PLEC: variants seen among roughly 807,000 people sequenced by gnomAD.
The protein encoded by PLEC is plectin, also known as hemidesmosomal protein 1.
In PLEC, 216 loss-of-function variants were observed where a neutral mutation model predicts 392.8. The observed-to-expected ratio is 0.55, with a 90% CI of 0.49 to 0.62. The LOEUF (loss-of-function observed/expected upper bound fraction) is 0.62, where lower values mean the gene tolerates loss of function less well. PLEC is among the 20% of genes least tolerant of loss of function. The probability of loss-of-function intolerance (pLI) is 0.00; values close to 1 mark genes in which losing one functional copy is unlikely to be tolerated. For missense variants in PLEC, 6,863 were observed against 6,563.4 expected (o/e 1.05, Z -1.58); for synonymous variants, 3,621 against 2,980.6 (o/e 1.21, Z -7.00).
rs782568049 is a variant in PLEC at position 143,923,126 on chromosome 8, T to C, written c.6803A>G (p.Glu2268Gly). 3.1e-6 allele frequency: 5 copies of C among 1,604,442 alleles called. No individual in the cohort carries two copies. The highest frequency in any genetic ancestry group is 3.4e-6 in the Non-Finnish European group (4 of 1,179,860). The change falls in exon 31 of 32, where the codon GAG (glutamate) becomes GGG (glycine). Residue 2268 changes from glutamate (E) to glycine (G), a missense_variant. By Grantham distance (98) the Glu-to-Gly change is moderately conservative. Coordinates refer to ENST00000345136, the MANE Select transcript of PLEC (RefSeq NM_201384.3). Reference sequence around the variant, plus strand: ...CACCTGCTTCATCTTCTCAGCCTCCTCCTGCAGGAAGCGCTGCGTATTGTC... The same window carrying C: ...CACCTGCTTCATCTTCTCAGCCTCCCCCTGCAGGAAGCGCTGCGTATTGTC... ...DKDNTQRFLQ[E>G]EAEKMKQVAE...
chr8:143,936,920 G>A (rs1829203617), intron 5 of PLEC, 59 bp downstream of exon 5: 4 of 1,335,964 alleles, frequency 3.0e-6, no homozygotes, highest in African/African-American at 1.4e-5. Flanking sequence ...CAGCCAAGGA[G>A]CCCAGGCTAC....
chr8:143,952,206 ACACG>A (rs782310762), upstream of PLEC, among the ~76,000 whole-genome samples: 6,938 of 124,100 alleles, frequency 0.056, 522 homozygotes, highest in African/African-American at 0.21. Context: ...ACACACACAC[ACACG>A]CGCGCACACA....
chr8:143,974,816 C>T (rs1833600754), upstream of PLEC, among the ~76,000 whole-genome samples: 1 of 152,242 alleles, frequency 6.6e-6, no homozygotes. The surrounding 1 kb of genome is among the most constrained non-coding windows in gnomAD (Gnocchi z 5.9). Context: ...AACCAGGTAC[C>T]CCCTCCCTAT....
chr8:143,919,520 G>T lies in PLEC; in HGVS notation c.10301C>A (p.Thr3434Asn), dbSNP rs1315645477. The T allele has an allele frequency of 3.7e-6, 6 of 1,612,164 alleles. No homozygotes were observed. The African/African-American group carries it at 5.3e-5, about 14-fold the overall frequency. ...GCCCGAGTAGGGGTCTCTGTAGCCG[G>T]TGACGGCCTTCTCGGCAGACAGCAG... ...EQLLSAEKAVTGYRDPYSGST... is the reference protein window; with the variant it reads ...EQLLSAEKAVNGYRDPYSGST... Residue 3434 changes from threonine to asparagine, a missense_variant, in exon 32 of 32, where the codon ACC becomes AAC. By Grantham distance (65) the Thr-to-Asn change is moderately conservative. Transcript: ENST00000345136.
chr8:143,937,079 C>T lies in PLEC; in HGVS notation c.343-8G>A, dbSNP rs539256971. 31 of 1,612,128 alleles carry T rather than the reference C, an allele frequency of 1.9e-5. No individual in the cohort carries two copies. The highest frequency in any genetic ancestry group is 1.7e-4 in the Middle Eastern group (1 of 6,060). On this transcript the variant is annotated splice_region_variant and splice_polypyrimidine_tract_variant and intron_variant, in intron 4 of 31. Transcript: ENST00000345136. Reference sequence around the variant, plus strand: ...GATGTTCACCAGCTTCACCTGTGAGCGAGGGGCTCTCGGTCACGGCCCACA... The same window carrying T: ...GATGTTCACCAGCTTCACCTGTGAGTGAGGGGCTCTCGGTCACGGCCCACA...
upstream of PLEC, among the ~76,000 whole-genome samples, chr8:143,958,129 CCAA>C (rs1357693295): frequency 6.6e-6 from 1 of 151,638 alleles, no homozygotes; most frequent in Non-Finnish European, 1.5e-5. This position sits in a 1 kb window ranked among gnomAD's most constrained non-coding sequence, Gnocchi z 4.9. Flanking sequence ...CAGCCTTGGC[CCAA>C]CAACAGCCCG....
upstream of PLEC, among the ~76,000 whole-genome samples, chr8:143,952,700 C>G (rs1832313217): frequency 6.6e-6 from 1 of 152,122 alleles, no homozygotes; most frequent in African/African-American, 2.4e-5. Context: ...GATCCCAAGG[C>G]CTCTTAAAAG....
chr8:143,935,810 C>G, intron 6 of PLEC, 38 bp downstream of exon 6: 1 of 1,604,482 alleles, frequency 6.2e-7, no homozygotes, highest in African/African-American at 1.3e-5. Flanking sequence ...TGTGGGGGTG[C>G]CCCCAGCCCA....
At chr8:143,954,309 C>G (rs1832469315), upstream of PLEC, among the ~76,000 whole-genome samples, 6 of 147,674 alleles carry the variant, frequency 4.1e-5, no homozygotes, top group Admixed American at 4.0e-4. This position sits in a 1 kb window ranked among gnomAD's most constrained non-coding sequence, Gnocchi z 4.6. Context: ...CCTCCCACCT[C>G]CCCGGCCCCA....
At chr8:143,936,940 T>C in intron 5 of PLEC, 39 bp downstream of exon 5, 1 of 1,495,508 alleles carries the variant, frequency 6.7e-7, no homozygotes, top group Non-Finnish European at 9.3e-7. Flanking sequence ...CCCTGGAAAC[T>C]CCTGCAGGGG....
chr8:143,939,605 G>A, upstream of PLEC: 1 of 1,485,608 alleles, frequency 6.7e-7, no homozygotes, highest in Non-Finnish European at 9.0e-7. Flanking sequence ...CCCAGTCGGT[G>A]CGGCCACTCC....
In PLEC at chr8:143,969,881, G is replaced by A. The variant is rs1554743634; in HGVS notation, c.70+3522C>T. On this transcript the variant is annotated intron_variant, in intron 1 of 31. Coordinates refer to the PLEC transcript ENST00000356346. This position sits in a 1 kb window ranked among gnomAD's most constrained non-coding sequence, Gnocchi z 5.1. The stretch of plus-strand genomic sequence containing the variant: ...TGAGTACCGTTGGTGAGTGGGTGGC[G>A]TTGGTGTGGGGCAGGGGCCAGGGGT... Among the ~76,000 whole-genome samples the A allele has an allele frequency of 6.6e-6, 1 of 151,156 alleles. No individual in the cohort carries two copies. The highest frequency in any genetic ancestry group is 6.6e-5 in the Admixed American group (1 of 15,182).
At chr8:143,946,816 G>A (rs1459073431) in intron 1 of PLEC, among the ~76,000 whole-genome samples, 7 of 142,588 alleles carry the variant, frequency 4.9e-5, no homozygotes, top group African/African-American at 1.8e-4. Flanking sequence ...GGAGCCAGGC[G>A]GGAGCAGAGC....
At chr8:143,961,991 G>A (rs968493099) in intron 1 of PLEC, among the ~76,000 whole-genome samples, 1 of 152,106 alleles carries the variant, frequency 6.6e-6, no homozygotes, top group Non-Finnish European at 1.5e-5. Context: ...CACTGTGCAC[G>A]CTTTTTAAAA....
Position 143,929,718 on chromosome 8 carries a change from G to A in PLEC, c.2851C>T (p.Arg951Trp), listed in dbSNP as rs781867218. The A allele has an allele frequency of 1.3e-5, 21 of 1,599,446 alleles. 1 individual carries two copies. The highest frequency in any genetic ancestry group is 6.7e-5 in the Admixed American group (4 of 59,772). Residue 951 changes from arginine (R) to tryptophan (W), a missense_variant, in exon 23 of 32, where the codon CGG becomes TGG. Transcript: ENST00000345136. ...QDAGGFGPED[R>W]LMAEREYGSC... ...CCGTACTCGCGCTCAGCCATCAGCC[G>A]GTCCTCGGGTCCGAAGCCGCCCGCG...
rs201343829 is a variant in PLEC at position 143,919,577 on chromosome 8, G to A, written c.10244C>T (p.Ala3415Val). 1.1e-5 allele frequency: 17 copies of A among 1,601,934 alleles called. No homozygotes were observed. Among genetic ancestry groups the A allele is most frequent in the South Asian group, 3.3e-5 (3 of 90,506 alleles). ...QRLYVHEAVK[A>V]GVVGPELHEQ... ...GTGAAGCTCGGGGCCCACCACGCCC[G>A]CCTTCACGGCCTCGTGGACATACAG... Residue 3415 changes from alanine to valine, a missense_variant, in exon 32 of 32, where the codon GCG becomes GTG. By Grantham distance (64) the Ala-to-Val change is moderately conservative. Coordinates refer to ENST00000345136, the MANE Select transcript of PLEC (RefSeq NM_201384.3).
intron 30 of PLEC, among the ~76,000 whole-genome samples, chr8:143,926,181 C>T (rs1431266684): frequency 1.3e-5 from 2 of 152,330 alleles, no homozygotes; most frequent in East Asian, 1.9e-4. Flanking sequence ...AGCAGGAGCT[C>T]GGAACCTGCG....
In PLEC at chr8:143,916,338, T is replaced by C. The variant is rs782383259; in HGVS notation, c.13483A>G (p.Thr4495Ala). The change falls in exon 32 of 32, where the codon ACC (threonine) becomes GCC (alanine). Residue 4495 changes from threonine to alanine, a missense_variant. By Grantham distance (58) the Thr-to-Ala change is moderately conservative (BLOSUM62 0). Coordinates refer to ENST00000345136, the MANE Select transcript of PLEC (RefSeq NM_201384.3). ...CGGCGGGAGCCGGCCCGGGAGCCGG[T>C]GCGCGAGCCGGTGCGGGAGCCAGCG... is the stretch of plus-strand genomic sequence containing the variant. ...STAGSRTGSR[T>A]GSRAGSRRGS... 4.8e-5 allele frequency: 77 copies of C among 1,595,386 alleles called. No individual in the cohort carries two copies. Among genetic ancestry groups the C allele is most frequent in the Admixed American group, 3.1e-4 (18 of 58,418 alleles).
In PLEC at chr8:143,923,259, T is replaced by C; in HGVS notation, c.6670A>G (p.Ser2224Gly). ...AEATEAARQR[S>G]QVEEELFSVR... The stretch of plus-strand genomic sequence containing the variant: ...GAGAAGAGCTCCTCCTCCACCTGGC[T>C]GCGCTGGCGTGCGGCCTCCGTGGCC... Residue 2224 changes from serine to glycine, a missense_variant, in exon 31 of 32, where the codon AGC becomes GGC. By Grantham distance (56) the Ser-to-Gly change is moderately conservative (BLOSUM62 0). Transcript: ENST00000345136. The C allele has an allele frequency of 6.2e-7, 1 of 1,605,420 alleles. No individual in the cohort carries two copies. The highest frequency in any genetic ancestry group is 8.5e-7 in the Non-Finnish European group (1 of 1,179,752).
Sources: gnomAD v4.1 joint callset for allele counts (sites outside exome capture counted in the v4.1 genomes callset) on GRCh38, gnomAD v4.1.1 for gene constraint, Gnocchi (gnomAD v3.1) non-coding constraint, MANE v1.5 for transcripts, NCBI Gene and HGNC (gene_info 2026-07-23, HGNC 2026-07-21) for gene names.